RARB: variants seen among roughly 807,000 people sequenced by gnomAD.
The protein encoded by RARB is HBV-activated protein.
A neutral mutation model predicts 51.9 loss-of-function variants in RARB; 17 were observed. The observed-to-expected ratio is 0.33, with a 90% CI of 0.22 to 0.49. The LOEUF (loss-of-function observed/expected upper bound fraction) is 0.49. RARB is among the 20% of genes least tolerant of loss of function. The pLI, the probability that RARB is intolerant of heterozygous loss-of-function variation, is 0.99. For synonymous variants in RARB, 215 were observed against 195.4 expected (o/e 1.10, Z -0.84); for missense variants, 369 against 550.8 (o/e 0.67, Z 3.30).
At chr3:25,588,138 C>G (rs1466884788) in intron 5 of RARB, among the ~76,000 whole-genome samples, 1 of 152,262 alleles carries the variant, frequency 6.6e-6, no homozygotes, top group East Asian at 1.9e-4. Flanking sequence ...GAAAAGAAAA[C>G]AGGGTGGTGG....
At chr3:24,986,096 T>C (rs1231376537) in intron 2 of RARB, among the ~76,000 whole-genome samples, 1 of 152,248 alleles carries the variant, frequency 6.6e-6, no homozygotes, top group East Asian at 1.9e-4. Context: ...AAGCTGGTTT[T>C]AAGTGCTAAA....
At chr3:25,581,187 G>A (rs942083331) in intron 5 of RARB, among the ~76,000 whole-genome samples, 1 of 152,198 alleles carries the variant, frequency 6.6e-6, no homozygotes, top group Non-Finnish European at 1.5e-5. Flanking sequence ...AAGTGGGAGT[G>A]CGTTCGTGTG....
chr3:25,336,625 G>A (rs564240298), intron 5 of RARB, among the ~76,000 whole-genome samples: 1 of 152,154 alleles, frequency 6.6e-6, no homozygotes, highest in East Asian at 1.9e-4. Flanking sequence ...CTTCCTCTCT[G>A]CCCAACAACA....
intron 5 of RARB, among the ~76,000 whole-genome samples, chr3:25,299,073 C>T (rs2125426422): frequency 6.6e-6 from 1 of 152,248 alleles, no homozygotes; most frequent in African/African-American, 2.4e-5. Flanking sequence ...CTTACAAGGT[C>T]AGTGTATTAG....
chr3:25,286,290 G>T (rs999221053), intron 5 of RARB, among the ~76,000 whole-genome samples: 1 of 151,850 alleles, frequency 6.6e-6, no homozygotes, highest in African/African-American at 2.4e-5. Context: ...GGGTTTCACC[G>T]TGTTAGCCAG....
At chr3:25,109,191 A>C (rs9828128) in intron 3 of RARB, among the ~76,000 whole-genome samples, 175 of 152,368 alleles carry the variant, frequency 1.1e-3, no homozygotes, top group African/African-American at 4.1e-3. Context: ...CTCATATAAT[A>C]TTAAAATAGT....
At chr3:24,855,969 C>G (rs1267541570) in intron 1 of RARB, among the ~76,000 whole-genome samples, 1 of 151,996 alleles carries the variant, frequency 6.6e-6, no homozygotes, top group Non-Finnish European at 1.5e-5. Context: ...CCAGGATGGT[C>G]TCAATCTCCT....
intron 2 of RARB, among the ~76,000 whole-genome samples, chr3:25,013,550 C>T (rs1697443009): frequency 6.6e-6 from 1 of 152,070 alleles, no homozygotes. Context: ...TGGGCTCTGA[C>T]CTCTGATTTG....
At chr3:24,888,883 A>G (rs1471938751) in intron 2 of RARB, among the ~76,000 whole-genome samples, 1 of 152,228 alleles carries the variant, frequency 6.6e-6, no homozygotes, top group African/African-American at 2.4e-5. Flanking sequence ...CTCTGCTTCA[A>G]CTGACTGCAT....
chr3:25,434,591 G>C (rs1434900813), intron 1 of RARB, among the ~76,000 whole-genome samples: 3 of 148,134 alleles, frequency 2.0e-5, no homozygotes, highest in African/African-American at 7.5e-5. Context: ...GCCCAGGCTG[G>C]AGTGCAGTGG....
intron 2 of RARB, among the ~76,000 whole-genome samples, chr3:24,976,077 T>C (rs1157221950): frequency 5.3e-5 from 8 of 152,302 alleles, no homozygotes; most frequent in African/African-American, 1.4e-4. Flanking sequence ...GCTTCATCCA[T>C]GTCCCTGCAA....
chr3:25,027,438 A>T (rs1604001), intron 2 of RARB, among the ~76,000 whole-genome samples: 102,818 of 151,916 alleles, frequency 0.68, 35,099 homozygotes, highest in East Asian at 0.87. Context: ...TATGATTTAT[A>T]GGGAGACATT....
chr3:25,514,846 G>A (rs1575477969), intron 3 of RARB, among the ~76,000 whole-genome samples: 1 of 152,316 alleles, frequency 6.6e-6, no homozygotes, highest in East Asian at 1.9e-4. Context: ...CAAGTGAAAG[G>A]TAATAAGTGA....
At chr3:25,409,537 G>A (rs1707503720) in intron 5 of RARB, among the ~76,000 whole-genome samples, 1 of 152,134 alleles carries the variant, frequency 6.6e-6, no homozygotes, top group Non-Finnish European at 1.5e-5. Context: ...GGCTCAGAGA[G>A]AACGTGAAAT....
intron 1 of RARB, among the ~76,000 whole-genome samples, chr3:24,840,339 G>C (rs1242080937): frequency 1.3e-5 from 2 of 152,136 alleles, no homozygotes; most frequent in African/African-American, 2.4e-5. Flanking sequence ...AGGTATAAAG[G>C]CACAGAATAG....
intron 5 of RARB, among the ~76,000 whole-genome samples, chr3:25,299,982 A>G (rs981084119): frequency 1.3e-5 from 2 of 152,208 alleles, no homozygotes. Flanking sequence ...AGCATTAAAT[A>G]TGTGTTAAAT....
intron 5 of RARB, among the ~76,000 whole-genome samples, chr3:25,310,182 C>T (rs1704255465): frequency 1.3e-5 from 2 of 152,198 alleles, no homozygotes; most frequent in South Asian, 4.1e-4. Flanking sequence ...GAGCAGCACT[C>T]ATGATGGTGG....
At chr3:25,297,968 C>T (rs1703956142) in intron 5 of RARB, among the ~76,000 whole-genome samples, 1 of 152,076 alleles carries the variant, frequency 6.6e-6, no homozygotes, top group Admixed American at 6.6e-5. Context: ...TTTTAATTTA[C>T]TCTGTTTACC....
intron 5 of RARB, among the ~76,000 whole-genome samples, chr3:25,252,448 A>G (rs987944347): frequency 6.6e-6 from 1 of 152,184 alleles, no homozygotes; most frequent in Non-Finnish European, 1.5e-5. Context: ...AAATATTGTC[A>G]TGTAATGATA....
Sources: gnomAD v4.1 joint callset for allele counts (sites outside exome capture counted in the v4.1 genomes callset) on GRCh38, gnomAD v4.1.1 for gene constraint, MANE v1.5 for transcripts, NCBI Gene and HGNC (gene_info 2026-07-23, HGNC 2026-07-21) for gene names.